TAF3: variants seen among roughly 807,000 people sequenced by gnomAD.
TAF3 encodes TATA-box binding protein associated factor 3.
In TAF3, 7 loss-of-function variants were observed where a neutral mutation model predicts 80.6. The observed-to-expected ratio is 0.09, with a 90% CI of 0.05 to 0.16. The LOEUF is 0.16. Among genes scored for constraint, TAF3 ranks in the 10% least tolerant of loss-of-function variants. TAF3 has a pLI of 1.00. For missense variants in TAF3, 921 were observed against 1,140.2 expected (o/e 0.81, Z 2.77); for synonymous variants, 444 against 446.1 (o/e 1.00, Z 0.06).
intron 2 of TAF3, among the ~76,000 whole-genome samples, chr10:7,846,121 G>C (rs1271639214): frequency 6.6e-6 from 1 of 152,024 alleles, no homozygotes; most frequent in Admixed American, 6.5e-5. Context: ...ACCACGCCTA[G>C]CTAATTTTTT....
intron 2 of TAF3, among the ~76,000 whole-genome samples, chr10:7,850,963 A>G (rs778829985): frequency 3.3e-5 from 5 of 152,188 alleles, no homozygotes; most frequent in African/African-American, 4.8e-5. Context: ...GCCAGTCACT[A>G]TCATGAACAC....
Position 7,865,521 on chromosome 10 carries a change from TA to T in TAF3, c.409+40962del, listed in dbSNP as rs796131325. Among the ~76,000 whole-genome samples the T allele has an allele frequency of 2.6e-4, 39 of 151,746 alleles. 1 individual carries two copies. The highest frequency in any genetic ancestry group is 9.4e-4 in the African/African-American group (39 of 41,420). ...AACAAACAAAGAAACAAACAGAAAG[TA>T]GGGGAGCAAGCTGCCTAGAAACCTT... On this transcript the variant is annotated intron_variant, in intron 2 of 6. Transcript: ENST00000344293.
At chr10:7,914,190 ATTCTT>A (rs1837683752) in intron 2 of TAF3, among the ~76,000 whole-genome samples, 4 of 152,316 alleles carry the variant, frequency 2.6e-5, no homozygotes, top group Admixed American at 2.6e-4. Flanking sequence ...GGTTATACAT[ATTCTT>A]AAAATACCTT....
At chr10:7,954,023 A>C (rs1433250128) in intron 2 of TAF3, among the ~76,000 whole-genome samples, 13 of 138,092 alleles carry the variant, frequency 9.4e-5, no homozygotes, top group East Asian at 2.4e-4. Flanking sequence ...AGAGCTCTCC[A>C]TAGTGAGATT....
chr10:7,914,368 C>T (rs1334188544), intron 2 of TAF3, among the ~76,000 whole-genome samples: 1 of 152,112 alleles, frequency 6.6e-6, no homozygotes, highest in Non-Finnish European at 1.5e-5. Flanking sequence ...AGGTGTTTTC[C>T]CCCTCCTATT....
At chr10:7,841,274 C>T (rs1035459725) in intron 2 of TAF3, among the ~76,000 whole-genome samples, 2 of 152,184 alleles carry the variant, frequency 1.3e-5, no homozygotes. Flanking sequence ...TTCCTTCATT[C>T]GTCAAGGAGC....
intron 2 of TAF3, among the ~76,000 whole-genome samples, chr10:7,841,778 T>C (rs1387638118): frequency 6.6e-6 from 1 of 152,204 alleles, no homozygotes; most frequent in African/African-American, 2.4e-5. Flanking sequence ...TAATCAGATA[T>C]CTAAATATCC....
chr10:7,873,626 C>A (rs796851580), intron 2 of TAF3, among the ~76,000 whole-genome samples: 7 of 146,834 alleles, frequency 4.8e-5, no homozygotes, highest in Non-Finnish European at 1.1e-4. Context: ...CTCCCCCCCC[C>A]CCCGTCAAAA....
At chr10:8,004,811 G>A (rs1831976644) in intron 4 of TAF3, among the ~76,000 whole-genome samples, 1 of 152,062 alleles carries the variant, frequency 6.6e-6, no homozygotes, top group Admixed American at 6.5e-5. Context: ...ATAAATCTGT[G>A]GATTGGTATC....
At chr10:7,869,174 A>G (rs1489112076) in intron 2 of TAF3, among the ~76,000 whole-genome samples, 1 of 152,200 alleles carries the variant, frequency 6.6e-6, no homozygotes, top group East Asian at 1.9e-4. Flanking sequence ...GTAGATAAAA[A>G]ATGTTTACAG....
intron 4 of TAF3, among the ~76,000 whole-genome samples, chr10:8,003,106 T>G (rs371732848): frequency 1.3e-5 from 2 of 152,228 alleles, no homozygotes; most frequent in East Asian, 3.8e-4. Flanking sequence ...GCCTGACAAC[T>G]GAATCACTTA....
Position 8,015,542 on chromosome 10 carries a change from T to TA in TAF3, c.*792dup. The TA allele has an allele frequency of 6.6e-6, 1 of 152,232 alleles. No homozygotes were observed. Among genetic ancestry groups the TA allele is most frequent in the Non-Finnish European group, 1.5e-5 (1 of 68,008 alleles). The allele number at this position is 152,232 out of a possible 1,614,324, so 9.4% of individuals were successfully genotyped here. On this transcript the variant is annotated 3_prime_UTR_variant, in exon 7 of 7. Coordinates refer to ENST00000344293, the MANE Select transcript of TAF3 (RefSeq NM_031923.4). ...ATGTAAATAATAAATATTTATGAAGTAGTTATTTTTTAAATTTTTATCGTG... is the reference window on the plus strand; with the variant it reads ...ATGTAAATAATAAATATTTATGAAGTAAGTTATTTTTTAAATTTTTATCGTG...
intron 2 of TAF3, among the ~76,000 whole-genome samples, chr10:7,883,334 T>C (rs1210690090): frequency 6.6e-6 from 1 of 152,242 alleles, no homozygotes; most frequent in Non-Finnish European, 1.5e-5. Flanking sequence ...TTGTCTGATA[T>C]TCCTCATCAA....
intron 4 of TAF3, among the ~76,000 whole-genome samples, chr10:8,001,893 TCAGTCTCTACC>T: frequency 6.6e-6 from 1 of 152,158 alleles, no homozygotes; most frequent in Non-Finnish European, 1.5e-5. Context: ...GACAATAGCT[TCAGTCTCTACC>T]TCCAACAAAC....
rs115531244 is a variant in TAF3, at chr10:7,951,473, G to T, written c.410-12447G>T. 6.1e-3 allele frequency among the ~76,000 whole-genome samples: 922 copies of T among 152,290 alleles called. 9 individuals carry two copies. Among genetic ancestry groups the T allele is most frequent in the African/African-American group, 0.021 (866 of 41,564 alleles). ...CGCAGGCTAACCTGGGCTCATTCCT[G>T]TGGCAGTGGTTGCAGGTTTCCCAAG... On this transcript the variant is annotated intron_variant, in intron 2 of 6. Transcript: ENST00000344293.
At chr10:7,840,309 C>T (rs562060742) in intron 2 of TAF3, among the ~76,000 whole-genome samples, 16 of 152,032 alleles carry the variant, frequency 1.1e-4, no homozygotes, top group Admixed American at 1.0e-3. Context: ...CCCGCCACCA[C>T]GCCTGGCTAA....
intron 2 of TAF3, among the ~76,000 whole-genome samples, chr10:7,861,614 G>C (rs116333585): frequency 0.013 from 1,913 of 152,052 alleles, 31 homozygotes; most frequent in African/African-American, 0.043. Flanking sequence ...GCACTTTACA[G>C]ATATTTTTCC....
chr10:7,830,253 T>G (rs1447429925), intron 2 of TAF3, among the ~76,000 whole-genome samples: 2 of 152,024 alleles, frequency 1.3e-5, no homozygotes, highest in Non-Finnish European at 2.9e-5. Context: ...AAACCCTTTC[T>G]CCCAGTTCAA....
At chr10:7,866,416 G>T (rs2131141433) in intron 2 of TAF3, among the ~76,000 whole-genome samples, 1 of 152,382 alleles carries the variant, frequency 6.6e-6, no homozygotes, top group East Asian at 1.9e-4. Flanking sequence ...GGCCTTCTCT[G>T]AGAAGGGAGC....
Sources: allele counts gnomAD v4.1 joint callset (sites outside exome capture counted in the v4.1 genomes callset), GRCh38; gene constraint gnomAD v4.1.1; transcripts MANE v1.5; gene names NCBI Gene and HGNC (gene_info 2026-07-23, HGNC 2026-07-21).